NUDC: variants seen among roughly 807,000 people sequenced by gnomAD.
NUDC encodes nuclear distribution C, dynein complex regulator.
NUDC carries 14 observed loss-of-function variants against 45.0 expected under a neutral mutation model. The ratio of observed to expected loss-of-function variants is 0.31; its 90% CI spans 0.21 to 0.49. NUDC has a LOEUF of 0.49. Ranked by LOEUF, NUDC falls within the 20% of genes least tolerant of loss-of-function variation. The probability of loss-of-function intolerance (pLI) is 0.99; values close to 1 mark genes in which losing one functional copy is unlikely to be tolerated. For missense variants in NUDC, 323 were observed against 426.2 expected, an observed-to-expected ratio of 0.76 and a Z score of 2.13; for synonymous variants, 153 against 156.7, an observed-to-expected ratio of 0.98 and a Z score of 0.17.
intron 2 of NUDC, among the ~76,000 whole-genome samples, chr1:26,931,844 G>A (rs1411684317): frequency 1.3e-5 from 2 of 150,992 alleles, no homozygotes; most frequent in East Asian, 2.0e-4. Context: ...CCACCACCAC[G>A]CCTGGCTAAT....
At chr1:26,907,466 T>A (rs2082007332) in intron 2 of NUDC, among the ~76,000 whole-genome samples, 1 of 152,158 alleles carries the variant, frequency 6.6e-6, no homozygotes, top group Admixed American at 6.6e-5. Flanking sequence ...TTGGTACAAA[T>A]GGAGGTTGAG....
chr1:26,923,845 C>CT (rs1211305789), intron 1 of NUDC, among the ~76,000 whole-genome samples: 1 of 152,162 alleles, frequency 6.6e-6, no homozygotes, highest in Non-Finnish European at 1.5e-5. Context: ...GTTCCATACG[C>CT]TTAGGCTGCT....
At chr1:26,905,499 A>T (rs1225852698) in intron 2 of NUDC, among the ~76,000 whole-genome samples, 1 of 152,150 alleles carries the variant, frequency 6.6e-6, no homozygotes, top group Non-Finnish European at 1.5e-5. Flanking sequence ...TTGAGAAGTC[A>T]CAGGACAAGG....
chr1:26,919,690 A>G (rs918488562), upstream of NUDC, among the ~76,000 whole-genome samples: 2 of 152,266 alleles, frequency 1.3e-5, no homozygotes, highest in Admixed American at 6.5e-5. Context: ...GCTATATCCC[A>G]CCAAATCAAT....
intron 2 of NUDC, among the ~76,000 whole-genome samples, chr1:26,930,871 C>G (rs1323960404): frequency 2.0e-5 from 3 of 151,740 alleles, no homozygotes; most frequent in African/African-American, 7.3e-5. Flanking sequence ...CAAAAATTAG[C>G]TGGGCATGGT....
At chr1:26,900,266 C>T in exon 1 of NUDC, 1 of 1,614,084 alleles carries the variant, frequency 6.2e-7, no homozygotes, top group Non-Finnish European at 8.5e-7. Context: ...TAGGAGCGGC[C>T]TGCGGAGGGG....
At chr1:26,900,842 GA>G (rs1240927281) in intron 1 of NUDC, among the ~76,000 whole-genome samples, 14 of 152,084 alleles carry the variant, frequency 9.2e-5, no homozygotes, top group African/African-American at 3.4e-4. Context: ...GTAAGAAAAA[GA>G]TAACCCGGTA....
At chr1:26,911,288 T>C (rs2082024905) in intron 3 of NUDC, 1 of 409,226 alleles carries the variant, frequency 2.4e-6, no homozygotes, top group Non-Finnish European at 5.0e-6. Context: ...AGTGAAGGGT[T>C]TGGGAATGGG....
chr1:26,934,844 A>T (rs1236267089), intron 2 of NUDC, among the ~76,000 whole-genome samples: 1 of 151,350 alleles, frequency 6.6e-6, no homozygotes, highest in East Asian at 2.0e-4. Flanking sequence ...TTTTTAGTAA[A>T]GACGGGGTTT....
intron 2 of NUDC, among the ~76,000 whole-genome samples, chr1:26,927,344 G>A (rs909057426): frequency 1.6e-5 from 2 of 127,434 alleles, no homozygotes; most frequent in African/African-American, 6.5e-5. Flanking sequence ...GCACAGTGGC[G>A]TGATCCAGCC....
At chr1:26,943,193 TTAAAG>T in intron 6 of NUDC, 128 bp downstream of exon 6, 1 of 973,466 alleles carries the variant, frequency 1.0e-6, no homozygotes, top group Non-Finnish European at 1.6e-6. Context: ...ACAACACTCT[TTAAAG>T]TAGATCTGTC....
At chr1:26,927,110 G>T (rs959007324) in intron 2 of NUDC, among the ~76,000 whole-genome samples, 6 of 152,070 alleles carry the variant, frequency 3.9e-5, no homozygotes. Flanking sequence ...TAGGTTGGGG[G>T]CTCAGAGAAG....
At chr1:26,933,277 G>T (rs756171668) in intron 2 of NUDC, among the ~76,000 whole-genome samples, 1 of 151,530 alleles carries the variant, frequency 6.6e-6, no homozygotes, top group African/African-American at 2.4e-5. Flanking sequence ...TGGACTTTTG[G>T]GTTGCTTTCA....
intron 2 of NUDC, among the ~76,000 whole-genome samples, chr1:26,937,534 G>A (rs1212454225): frequency 1.3e-5 from 2 of 151,314 alleles, no homozygotes; most frequent in African/African-American, 2.4e-5. Context: ...TGCCCGCCTC[G>A]GCCTTTCCAA....
intron 5 of NUDC, 40 bp downstream of exon 5, chr1:26,942,816 C>G (rs778260046): frequency 1.2e-6 from 2 of 1,614,098 alleles, no homozygotes; most frequent in Non-Finnish European, 1.7e-6. Context: ...AGGGGGCCAG[C>G]CTGGGGTACC....
chr1:26,922,253 C>A (rs2082097866), intron 1 of NUDC: 1 of 437,648 alleles, frequency 2.3e-6, no homozygotes. Context: ...TAAGAACCGT[C>A]GCAAATATCG....
rs370930408 is a variant in NUDC at position 26,945,542 on chromosome 1, C to A, written c.826-26C>A. 3.7e-6 allele frequency: 6 copies of A among 1,611,188 alleles called. No homozygotes were observed. The Admixed American group carries it at 8.3e-5, about 22-fold the overall frequency. On this transcript the variant is annotated intron_variant, in intron 7 of 8. Coordinates refer to ENST00000321265, the MANE Select transcript of NUDC (RefSeq NM_006600.4). ...GGCCTCGTTGTTTCCAGAGCTTCAC[C>A]GATTCCTGTCACTGCCTGCCCTCAG...
chr1:26,914,562 G>C (rs887114035), intron 3 of NUDC, among the ~76,000 whole-genome samples: 24 of 152,166 alleles, frequency 1.6e-4, no homozygotes, highest in African/African-American at 4.6e-4. Flanking sequence ...TCTGATTCCA[G>C]TTCTGGGCCC....
intron 2 of NUDC, among the ~76,000 whole-genome samples, chr1:26,927,343 C>CTGTAAGAAGGGAGAGA (rs1442552706): frequency 1.5e-4 from 22 of 146,586 alleles, no homozygotes; most frequent in African/African-American, 3.0e-4. Flanking sequence ...AGCACAGTGG[C>CTGTAAGAAGGGAGAGA]GTGATCCAGC....
Sources: gnomAD v4.1 joint callset for allele counts (sites outside exome capture counted in the v4.1 genomes callset) on GRCh38, gnomAD v4.1.1 for gene constraint, MANE v1.5 for transcripts, NCBI Gene and HGNC (gene_info 2026-07-23, HGNC 2026-07-21) for gene names.